CNTNAP2: variants seen among roughly 807,000 people sequenced by gnomAD.
The protein encoded by CNTNAP2 is contactin-associated protein-like 2.
In CNTNAP2, 98 loss-of-function variants were observed where a neutral mutation model predicts 155.2. That is an observed-to-expected ratio of 0.63 (90% confidence interval 0.54 to 0.75). CNTNAP2 has a LOEUF of 0.75. Among genes scored for constraint, CNTNAP2 ranks in the 30% least tolerant of loss-of-function variants. The probability of loss-of-function intolerance (pLI) is 0.00; values close to 1 mark genes in which losing one functional copy is unlikely to be tolerated. For missense variants in CNTNAP2, 1,727 were observed against 1,688.1 expected (o/e 1.02, Z -0.40); for synonymous variants, 651 against 631.2 (o/e 1.03, Z -0.47).
intron 20 of CNTNAP2, among the ~76,000 whole-genome samples, chr7:148,231,491 T>C (rs1039224465): frequency 6.6e-6 from 1 of 152,316 alleles, no homozygotes; most frequent in South Asian, 2.1e-4. Context: ...CTAGGGAGCC[T>C]GGAGAATTAA....
chr7:147,007,882 A>C (rs996961267), intron 3 of CNTNAP2, among the ~76,000 whole-genome samples: 3 of 152,176 alleles, frequency 2.0e-5, no homozygotes, highest in Admixed American at 6.6e-5. Flanking sequence ...TTTTGACATA[A>C]TAAAATACAC....
intron 3 of CNTNAP2, among the ~76,000 whole-genome samples, chr7:147,024,965 G>A (rs945942772): frequency 6.6e-6 from 1 of 151,872 alleles, no homozygotes; most frequent in African/African-American, 2.4e-5. Context: ...CGCGACCAAG[G>A]AGGATCTTGC....
chr7:146,448,730 C>T (rs1184346678), intron 1 of CNTNAP2, among the ~76,000 whole-genome samples: 3 of 151,982 alleles, frequency 2.0e-5, no homozygotes, highest in Non-Finnish European at 4.4e-5. Flanking sequence ...TGTGTAATGT[C>T]GATCACACAT....
intron 2 of CNTNAP2, among the ~76,000 whole-genome samples, chr7:146,816,725 C>T (rs910602251): frequency 1.2e-4 from 19 of 152,172 alleles, no homozygotes; most frequent in African/African-American, 3.1e-4. Flanking sequence ...TGCTAACTGG[C>T]AGGCAGTAAA....
At chr7:146,784,095 G>T (rs746691636) in intron 2 of CNTNAP2, among the ~76,000 whole-genome samples, 4 of 152,166 alleles carry the variant, frequency 2.6e-5, no homozygotes, top group African/African-American at 9.7e-5. Flanking sequence ...CTTAATTAGA[G>T]AAAGGGGAAT....
intron 13 of CNTNAP2, among the ~76,000 whole-genome samples, chr7:147,730,425 A>G (rs1245839357): frequency 6.6e-6 from 1 of 152,064 alleles, no homozygotes; most frequent in Non-Finnish European, 1.5e-5. Context: ...ACAATTCAAA[A>G]TTTCTCATTA....
intron 14 of CNTNAP2, among the ~76,000 whole-genome samples, chr7:147,958,937 C>T (rs1801070491): frequency 6.6e-6 from 1 of 152,132 alleles, no homozygotes; most frequent in South Asian, 2.1e-4. Flanking sequence ...ACATTTCTAA[C>T]AAGGTCCCAG....
intron 13 of CNTNAP2, among the ~76,000 whole-genome samples, chr7:147,712,224 G>A (rs1036385311): frequency 6.6e-6 from 1 of 152,058 alleles, no homozygotes; most frequent in Admixed American, 6.6e-5. Context: ...TAGAATGGCG[G>A]TCATTAAAAA....
In CNTNAP2 at chr7:147,313,584, G is replaced by A. The variant is rs527381306; in HGVS notation, c.1498+13294G>A. Among the ~76,000 whole-genome samples, 1,082 of 148,160 alleles carry A rather than the reference G, an allele frequency of 7.3e-3. 15 individuals carry two copies. The highest frequency in any genetic ancestry group is 0.025 in the African/African-American group (988 of 39,354). ...GATCAGATAGTTGTAGATATGCAGC[G>A]TTATTTCTGAGGGCTCTGTTCTGTT... On this transcript the variant is annotated intron_variant, in intron 9 of 23. Transcript: ENST00000361727.
At chr7:147,794,745 T>G (rs916761474) in intron 13 of CNTNAP2, among the ~76,000 whole-genome samples, 1 of 149,778 alleles carries the variant, frequency 6.7e-6, no homozygotes, top group South Asian at 2.1e-4. Context: ...TAGTTTTTTT[T>G]TTAAAAACAA....
intron 1 of CNTNAP2, among the ~76,000 whole-genome samples, chr7:146,389,789 C>G (rs947034394): frequency 2.0e-5 from 3 of 151,098 alleles, no homozygotes; most frequent in Non-Finnish European, 4.4e-5. Flanking sequence ...CAAGCTCTGC[C>G]TTCCGGGTTC....
chr7:147,255,916 T>C (rs945124180), intron 8 of CNTNAP2, among the ~76,000 whole-genome samples: 39 of 152,034 alleles, frequency 2.6e-4, no homozygotes, highest in African/African-American at 9.2e-4. Context: ...TTTTTTTGTA[T>C]TTTTAGTAGA....
intron 1 of CNTNAP2, among the ~76,000 whole-genome samples, chr7:146,560,232 C>A (rs1169092085): frequency 6.6e-6 from 1 of 151,904 alleles, no homozygotes; most frequent in African/African-American, 2.4e-5. Context: ...AAATAAGTGT[C>A]CTGCTTGATG....
rs10639255 is a variant in CNTNAP2 at position 146,843,596 on chromosome 7, C to CAAAA, written c.402+3705_402+3708dup. Among the ~76,000 whole-genome samples the CAAAA allele has an allele frequency of 7.1e-3, 899 of 126,532 alleles. 11 individuals are homozygous for CAAAA. The highest frequency in any genetic ancestry group is 0.01 in the Non-Finnish European group (618 of 61,068). 83.0% of individuals were successfully genotyped at this position (126,532 alleles called of 152,430 possible). A position where few individuals can be genotyped will look rare whatever the true frequency, so the allele number is the denominator to read the frequency against. The stretch of plus-strand genomic sequence containing the variant: ...AGAAATGTTTTAATCCTTACTAATA[C>CAAAA]AAAAAAAAAAAAAAAAGAGTCCAAT... On this transcript the variant is annotated intron_variant, in intron 3 of 23. Coordinates refer to ENST00000361727, the MANE Select transcript of CNTNAP2 (RefSeq NM_014141.6).
At chr7:147,155,488 T>C (rs1346629060) in intron 8 of CNTNAP2, among the ~76,000 whole-genome samples, 1 of 152,094 alleles carries the variant, frequency 6.6e-6, no homozygotes, top group Non-Finnish European at 1.5e-5. Flanking sequence ...GGAGGCCCCC[T>C]AGAGAACCGG....
intron 8 of CNTNAP2, among the ~76,000 whole-genome samples, chr7:147,280,955 T>A (rs539369276): frequency 6.6e-6 from 1 of 151,902 alleles, no homozygotes; most frequent in South Asian, 2.1e-4. Flanking sequence ...TGAAAAAAAA[T>A]CTTTGACTTG....
At chr7:147,702,567 C>T (rs1796252054) in intron 13 of CNTNAP2, among the ~76,000 whole-genome samples, 1 of 151,836 alleles carries the variant, frequency 6.6e-6, no homozygotes, top group Non-Finnish European at 1.5e-5. Context: ...GTTCTGTAAC[C>T]TCTGCTTCCT....
chr7:147,206,263 T>TAA (rs36073630), intron 8 of CNTNAP2, among the ~76,000 whole-genome samples: 5,229 of 139,078 alleles, frequency 0.038, 165 homozygotes, highest in Middle Eastern at 0.069. Context: ...TAAACCTGTA[T>TAA]AAAAAAAAAA....
At chr7:148,084,808 G>A (rs189290404) in intron 15 of CNTNAP2, among the ~76,000 whole-genome samples, 24 of 152,278 alleles carry the variant, frequency 1.6e-4, no homozygotes, top group Admixed American at 3.3e-4. Flanking sequence ...GAGTGCATAG[G>A]TATAGAACTG....
Sources: allele counts gnomAD v4.1 joint callset (sites outside exome capture counted in the v4.1 genomes callset), GRCh38; gene constraint gnomAD v4.1.1; transcripts MANE v1.5; gene names NCBI Gene and HGNC (gene_info 2026-07-23, HGNC 2026-07-21).